The following LIPA variants were observed in gnomAD, a reference collection of about 807,000 sequenced individuals.
LIPA encodes the protein lipase A, lysosomal acid type, also known as lysosomal acid lipase/cholesteryl ester hydrolase.
LIPA carries 26 observed loss-of-function variants against 40.6 expected under a neutral mutation model. The observed-to-expected ratio is 0.64, with a 90% confidence interval of 0.47 to 0.89. The LOEUF is 0.89. Ranked by LOEUF, LIPA falls within the 40% of genes least tolerant of loss-of-function variation. The pLI is 0.00. For synonymous variants in LIPA, 188 were observed against 168.4 expected, an observed-to-expected ratio of 1.12 and a Z score of -0.90; for missense variants, 455 against 479.6, an observed-to-expected ratio of 0.95 and a Z score of 0.48.
At chr10:89,358,764 A>G (rs1035737317) in intron 2 of LIPA, among the ~76,000 whole-genome samples, 3 of 152,144 alleles carry the variant, frequency 2.0e-5, no homozygotes, top group African/African-American at 7.2e-5. Flanking sequence ...TTGGTTACCA[A>G]AGGCTGGGAA....
At chr10:89,238,593 A>G (rs1268724425) in intron 3 of LIPA, among the ~76,000 whole-genome samples, 2 of 151,880 alleles carry the variant, frequency 1.3e-5, no homozygotes, top group Non-Finnish European at 2.9e-5. Context: ...CACCTCTGCT[A>G]CTCCTACAAC....
chr10:89,377,684 C>T (rs78118191), intron 2 of LIPA, among the ~76,000 whole-genome samples: 3,846 of 152,252 alleles, frequency 0.025, 109 homozygotes, highest in African/African-American at 0.071. Flanking sequence ...CCATTGTAGA[C>T]GTCCCTGGAA....
chr10:89,254,108 T>C (rs4536120), upstream of LIPA, among the ~76,000 whole-genome samples: 20,188 of 152,264 alleles, frequency 0.13, 1,653 homozygotes, highest in African/African-American at 0.23. Context: ...TGGAGGACAG[T>C]GGCTCTCTTC....
At chr10:89,338,822 T>C in intron 1 of LIPA, 1 of 1,614,144 alleles carries the variant, frequency 6.2e-7, no homozygotes, top group Non-Finnish European at 8.5e-7. Flanking sequence ...ATGTACAACT[T>C]GTTGGCCTAC....
chr10:89,406,964 G>T (rs1228867991), intron 2 of LIPA, among the ~76,000 whole-genome samples: 1 of 152,178 alleles, frequency 6.6e-6, no homozygotes. Flanking sequence ...CTGGGCACCT[G>T]TCGACCAGTT....
At chr10:89,414,674 G>A (rs927258226), upstream of LIPA, 53 of 1,166,072 alleles carry the variant, frequency 4.5e-5, no homozygotes, top group East Asian at 5.4e-4. Flanking sequence ...TCCAGGGGCT[G>A]CAGAGGCCTG....
At chr10:89,289,426 C>T (rs1843359373) in intron 1 of LIPA, among the ~76,000 whole-genome samples, 1 of 152,176 alleles carries the variant, frequency 6.6e-6, no homozygotes, top group African/African-American at 2.4e-5. Context: ...CGGGGATTTG[C>T]CTCTTCCCAG....
intron 2 of LIPA, chr10:89,378,176 G>T (rs1381852540): frequency 6.2e-7 from 1 of 1,610,908 alleles, no homozygotes; most frequent in Non-Finnish European, 8.5e-7. Flanking sequence ...CCTTATTTCT[G>T]CACACTTTGA....
chr10:89,394,629 A>ATATATAT lies in LIPA; in HGVS notation c.61+18161_61+18162insATATATA, dbSNP rs1429080862. 1.4e-3 allele frequency among the ~76,000 whole-genome samples: 37 copies of ATATATAT among 26,240 alleles called. 5 individuals are homozygous for ATATATAT. Among genetic ancestry groups the ATATATAT allele is most frequent in the African/African-American group, 6.1e-3 (36 of 5,932 alleles). The allele number at this position is 26,240 out of a possible 152,430, so 17.2% of individuals were successfully genotyped here. A position where few individuals can be genotyped will look rare whatever the true frequency, so the allele number is the denominator to read the frequency against. ...ATATATATATATATATATATATATAAAACTTGAATTTTATTCAGGTTAGCA... is the reference window on the plus strand; with the variant it reads ...ATATATATATATATATATATATATAATATATATAACTTGAATTTTATTCAGGTTAGCA... On this transcript the variant is annotated intron_variant, in intron 2 of 8. Coordinates refer to the LIPA transcript ENST00000371837.
At chr10:89,231,785 T>C (rs1842845775) in intron 3 of LIPA, among the ~76,000 whole-genome samples, 1 of 152,200 alleles carries the variant, frequency 6.6e-6, no homozygotes, top group South Asian at 2.1e-4. Context: ...GCTGGTGTGA[T>C]TTTCTAATCA....
intron 2 of LIPA, among the ~76,000 whole-genome samples, chr10:89,386,316 T>C (rs1844210008): frequency 1.3e-5 from 2 of 152,138 alleles, no homozygotes; most frequent in Admixed American, 1.3e-4. Context: ...TGACCAATGA[T>C]GGAGATTTGG....
At position 89,412,707 on chromosome 10, in the gene LIPA, C is replaced by T. The variant is rs761901601; in HGVS notation, c.61+84G>A. Reference sequence around the variant, plus strand: ...ACCCACCGGGAGGAACGAACAACTCCGGACGCGCCACCTTTAAGATCTGTA... The same window carrying T: ...ACCCACCGGGAGGAACGAACAACTCTGGACGCGCCACCTTTAAGATCTGTA... On this transcript the variant is annotated intron_variant, in intron 2 of 8. Coordinates refer to the LIPA transcript ENST00000371837. 7.7e-5 allele frequency: 33 copies of T among 430,870 alleles called. 1 individual carries two copies. Among genetic ancestry groups the T allele is most frequent in the South Asian group, 2.1e-4 (13 of 61,516 alleles). The allele number at this position is 430,870 out of a possible 1,614,324, so 26.7% of individuals were successfully genotyped here.
upstream of LIPA, among the ~76,000 whole-genome samples, chr10:89,344,939 A>C (rs1472854345): frequency 6.6e-6 from 1 of 152,166 alleles, no homozygotes; most frequent in African/African-American, 2.4e-5. Flanking sequence ...AGGCCGAGGC[A>C]GGTGTATCAC....
intron 7 of LIPA, 63 bp downstream of exon 7, chr10:89,223,621 C>T (rs1274522593): frequency 1.5e-6 from 2 of 1,319,046 alleles, no homozygotes; most frequent in East Asian, 2.3e-5. Context: ...CCATATCATT[C>T]AACACAAATA....
intron 4 of LIPA, 170 bp from the exon 5 acceptor site, chr10:89,227,174 TC>T (rs1473914335): frequency 1.1e-5 from 7 of 628,930 alleles, no homozygotes; most frequent in Non-Finnish European, 2.0e-5. Flanking sequence ...TGGGCTCTCT[TC>T]CAGTTGTGTC....
chr10:89,255,383 A>G (rs2133483658), upstream of LIPA, among the ~76,000 whole-genome samples: 1 of 152,294 alleles, frequency 6.6e-6, no homozygotes, highest in South Asian at 2.1e-4. Flanking sequence ...CCTAGTCACT[A>G]CCACAAGAAA....
chr10:89,336,993 T>G (rs1367610691), intron 1 of LIPA, among the ~76,000 whole-genome samples: 1 of 152,222 alleles, frequency 6.6e-6, no homozygotes, highest in Non-Finnish European at 1.5e-5. Flanking sequence ...CTTTAGTATC[T>G]TCCAACTACA....
chr10:89,222,007 G>T (rs1228111970), intron 8 of LIPA, among the ~76,000 whole-genome samples: 1 of 152,094 alleles, frequency 6.6e-6, no homozygotes, highest in African/African-American at 2.4e-5. Context: ...CAAAAGTCAG[G>T]GGCCCCCATT....
intron 1 of LIPA, among the ~76,000 whole-genome samples, chr10:89,315,587 GA>G (rs35064797): frequency 0.53 from 80,043 of 149,890 alleles, 21,804 homozygotes; most frequent in East Asian, 0.86. Context: ...AAAATGAAAA[GA>G]AAAAAAAAAC....
Sources: allele counts gnomAD v4.1 joint callset (sites outside exome capture counted in the v4.1 genomes callset), GRCh38; gene constraint gnomAD v4.1.1; transcripts MANE v1.5; gene names NCBI Gene and HGNC (gene_info 2026-07-23, HGNC 2026-07-21).